The following SEMA3A variants were observed in gnomAD, a reference collection of about 807,000 sequenced individuals.
The protein encoded by SEMA3A is semaphorin-3A.
In SEMA3A, 29 loss-of-function variants were observed where a neutral mutation model predicts 97.9. That is an observed-to-expected ratio of 0.30 (90% confidence interval 0.22 to 0.40). The LOEUF is 0.40. Ranked by LOEUF, SEMA3A falls within the 10% of genes least tolerant of loss-of-function variation. The probability of loss-of-function intolerance (pLI) is 1.00; values close to 1 mark genes in which losing one functional copy is unlikely to be tolerated. For missense variants in SEMA3A, 763 were observed against 951.3 expected (o/e 0.80, Z 2.60); for synonymous variants, 321 against 323.7 (o/e 0.99, Z 0.09).
At chr7:84,300,157 A>T (rs2115822588) in intron 3 of SEMA3A, among the ~76,000 whole-genome samples, 1 of 151,682 alleles carries the variant, frequency 6.6e-6, no homozygotes, top group African/African-American at 2.4e-5. Flanking sequence ...AGGAGAAAAT[A>T]AAATAGAAAA....
intron 1 of SEMA3A, among the ~76,000 whole-genome samples, chr7:84,389,628 A>T (rs992730467): frequency 6.6e-6 from 1 of 152,112 alleles, no homozygotes; most frequent in African/African-American, 2.4e-5. Flanking sequence ...CAGATTGGAG[A>T]TATCCTTCCT....
At chr7:84,488,553 A>G (rs76338542) in intron 1 of SEMA3A, among the ~76,000 whole-genome samples, 1 of 151,974 alleles carries the variant, frequency 6.6e-6, no homozygotes, top group Non-Finnish European at 1.5e-5. Context: ...GATTAGAGTG[A>G]TCTCTGTTTG....
At chr7:84,213,624 A>C (rs1430245003) in intron 3 of SEMA3A, among the ~76,000 whole-genome samples, 1 of 152,158 alleles carries the variant, frequency 6.6e-6, no homozygotes, top group Non-Finnish European at 1.5e-5. Flanking sequence ...CCTCCCATGC[A>C]AACATTGGCA....
At chr7:84,018,259 CTCATTTT>C (rs1791184582) in intron 6 of SEMA3A, among the ~76,000 whole-genome samples, 1 of 152,098 alleles carries the variant, frequency 6.6e-6, no homozygotes, top group Admixed American at 6.6e-5. Context: ...ATGATCTTTT[CTCATTTT>C]TAAGTCTAAG....
intron 4 of SEMA3A, among the ~76,000 whole-genome samples, chr7:84,061,859 C>A (rs1197201788): frequency 1.3e-5 from 2 of 152,118 alleles, no homozygotes; most frequent in African/African-American, 4.8e-5. Context: ...CTGTCCTGTA[C>A]CAATGATATT....
chr7:84,172,327 T>A (rs897404011), intron 1 of SEMA3A, among the ~76,000 whole-genome samples: 1 of 152,218 alleles, frequency 6.6e-6, no homozygotes, highest in East Asian at 1.9e-4. Context: ...ATTGACAAAA[T>A]TTGAAGCTCT....
chr7:84,427,833 C>A (rs1358114850), intron 1 of SEMA3A, among the ~76,000 whole-genome samples: 1 of 151,752 alleles, frequency 6.6e-6, no homozygotes, highest in Non-Finnish European at 1.5e-5. Context: ...TCTTTGATAG[C>A]AAGTACATAA....
chr7:84,295,542 T>G (rs1476285436), intron 3 of SEMA3A, among the ~76,000 whole-genome samples: 1 of 152,068 alleles, frequency 6.6e-6, no homozygotes, highest in Non-Finnish European at 1.5e-5. Flanking sequence ...GACTGTGTGA[T>G]TTGGGACAAA....
chr7:84,102,835 C>T (rs981628429), intron 4 of SEMA3A, among the ~76,000 whole-genome samples: 18 of 151,960 alleles, frequency 1.2e-4, no homozygotes, highest in African/African-American at 3.6e-4. Flanking sequence ...CCCACCTCAG[C>T]CTCCCAAAGT....
At position 84,222,658 on chromosome 7, in the gene SEMA3A, A is replaced by G. The variant is rs963245443; in HGVS notation, c.-82-27990T>C. On this transcript the variant is annotated intron_variant, in intron 3 of 3. Coordinates refer to the SEMA3A transcript ENST00000424555. Reference sequence around the variant, plus strand: ...CCTAAGAAAAATGCATATATTTTATATAAACAACAATTATTTTTTAATTGC... The same window carrying G: ...CCTAAGAAAAATGCATATATTTTATGTAAACAACAATTATTTTTTAATTGC... Among the ~76,000 whole-genome samples the G allele has an allele frequency of 3.3e-5, 5 of 152,052 alleles. No individual in the cohort carries two copies. In the East Asian group the frequency reaches 9.6e-4, roughly 29 times the overall value.
At chr7:84,149,478 C>T (rs1435514600) in intron 1 of SEMA3A, among the ~76,000 whole-genome samples, 1 of 152,100 alleles carries the variant, frequency 6.6e-6, no homozygotes, top group African/African-American at 2.4e-5. Flanking sequence ...CTCCCAGGAC[C>T]CATTAAATCA....
intron 3 of SEMA3A, among the ~76,000 whole-genome samples, chr7:84,267,959 C>T (rs1304084815): frequency 6.6e-6 from 1 of 152,030 alleles, no homozygotes; most frequent in African/African-American, 2.4e-5. Flanking sequence ...TGTAACCTGT[C>T]TGATTTTCTT....
chr7:84,304,963 T>G (rs1459529038), intron 3 of SEMA3A, among the ~76,000 whole-genome samples: 1 of 151,982 alleles, frequency 6.6e-6, no homozygotes, highest in Admixed American at 6.6e-5. Flanking sequence ...TAGTAAGGCA[T>G]TTGTATATAT....
At position 84,120,210 on chromosome 7, in the gene SEMA3A, T is replaced by C. The variant is rs182825331; in HGVS notation, c.333+8913A>G. Among the ~76,000 whole-genome samples the C allele has an allele frequency of 1.3e-3, 191 of 152,282 alleles. 1 individual carries two copies. The highest frequency in any genetic ancestry group is 3.7e-3 in the Admixed American group (56 of 15,288). ...TTGGTTCATGGCAATTCAAACATAA[T>C]TAATACCAACCTATTTGGCTGTATT... On this transcript the variant is annotated intron_variant, in intron 3 of 16. Transcript: ENST00000265362.
rs547472434 is a variant in SEMA3A, at chr7:84,349,112, T to C, written c.-169+22712A>G. 5.4e-4 allele frequency among the ~76,000 whole-genome samples: 83 copies of C among 152,352 alleles called. 2 individuals carry two copies. The highest frequency in any genetic ancestry group is 7.1e-4 in the Non-Finnish European group (48 of 68,030). On this transcript the variant is annotated intron_variant, in intron 2 of 3. Transcript: ENST00000424555. Reference sequence around the variant, plus strand: ...TTGTTCACTTAGTCCATGTATTTTGTACTTAATTTTTGAAGCACTTTTTTC... The same window carrying C: ...TTGTTCACTTAGTCCATGTATTTTGCACTTAATTTTTGAAGCACTTTTTTC...
intron 15 of SEMA3A, among the ~76,000 whole-genome samples, chr7:83,964,051 T>A (rs1173419199): frequency 6.6e-6 from 1 of 152,196 alleles, no homozygotes; most frequent in Admixed American, 6.5e-5. Context: ...GGAATTAGGC[T>A]ATGGAATAAG....
chr7:84,333,308 A>AAAGTATCCT (rs1801949862), intron 2 of SEMA3A, among the ~76,000 whole-genome samples: 1 of 152,122 alleles, frequency 6.6e-6, no homozygotes, highest in East Asian at 1.9e-4. Context: ...CACAAGGAAG[A>AAAGTATCCT]AAGTATCCTC....
chr7:84,275,046 G>T (rs1368449383), intron 3 of SEMA3A, among the ~76,000 whole-genome samples: 1 of 151,956 alleles, frequency 6.6e-6, no homozygotes, highest in Non-Finnish European at 1.5e-5. Flanking sequence ...TAATAAGTCT[G>T]ATCATACTAT....
chr7:84,403,530 C>T (rs1223658564), intron 1 of SEMA3A, among the ~76,000 whole-genome samples: 1 of 152,190 alleles, frequency 6.6e-6, no homozygotes, highest in Non-Finnish European at 1.5e-5. Context: ...CCCTGTCTGA[C>T]AGCTTTGAAG....
Sources: gnomAD v4.1 joint callset for allele counts (sites outside exome capture counted in the v4.1 genomes callset) on GRCh38, gnomAD v4.1.1 for gene constraint, MANE v1.5 for transcripts, NCBI Gene and HGNC (gene_info 2026-07-23, HGNC 2026-07-21) for gene names.